Variants in HNRNPH3 observed in about 807,000 individuals in gnomAD.
HNRNPH3 encodes heterogeneous nuclear ribonucleoprotein 2H9.
Under a neutral mutation model 47.0 loss-of-function variants are expected in HNRNPH3, and 7 were observed. The observed-to-expected ratio is 0.15, with a 90% CI of 0.08 to 0.28. The LOEUF (loss-of-function observed/expected upper bound fraction) is 0.28. Ranked by LOEUF, HNRNPH3 falls within the 10% of genes least tolerant of loss-of-function variation. The probability of loss-of-function intolerance (pLI) is 1.00; values close to 1 mark genes in which losing one functional copy is unlikely to be tolerated. For synonymous variants in HNRNPH3, 120 were observed against 143.2 expected (o/e 0.84, Z 1.16); for missense variants, 279 against 449.6 (o/e 0.62, Z 3.43).
rs1312366142 is a variant in HNRNPH3, at chr10:68,337,551, T to C, written c.112+218T>C. On this transcript the variant is annotated intron_variant, in intron 2 of 9. Coordinates refer to ENST00000265866, the MANE Select transcript of HNRNPH3 (RefSeq NM_012207.3). The surrounding 1 kb of genome is among the most constrained non-coding windows in gnomAD (Gnocchi z 4.5). Reference sequence around the variant, plus strand: ...TAATGTGCAGTAACATATTTGAGAATTGTGATGAAATGAACCGTGAATTAG... The same window carrying C: ...TAATGTGCAGTAACATATTTGAGAACTGTGATGAAATGAACCGTGAATTAG... The C allele has an allele frequency of 9.0e-6, 5 of 554,376 alleles. No individual in the cohort carries two copies. Among genetic ancestry groups the C allele is most frequent in the Admixed American group, 3.4e-5 (1 of 29,244 alleles). The allele number at this position is 554,376 out of a possible 1,614,324, so 34.3% of individuals were successfully genotyped here.
At chr10:68,336,652 C>T (rs1011422561) in intron 1 of HNRNPH3, among the ~76,000 whole-genome samples, 1 of 152,060 alleles carries the variant, frequency 6.6e-6, no homozygotes, top group Non-Finnish European at 1.5e-5. Context: ...AGTGTTGGCC[C>T]TTCAAAGACA....
At chr10:68,341,520 C>G (rs375612030) in intron 7 of HNRNPH3, 65 bp from the exon 8 acceptor site, 7 of 1,179,296 alleles carry the variant, frequency 5.9e-6, no homozygotes, top group Admixed American at 2.0e-5. Flanking sequence ...TTTTACAAAG[C>G]TTGTATTGAT....
chr10:68,333,648 T>C (rs1213590274), intron 1 of HNRNPH3, among the ~76,000 whole-genome samples: 2 of 152,072 alleles, frequency 1.3e-5, no homozygotes, highest in Non-Finnish European at 2.9e-5. Context: ...GTGGTGGTGG[T>C]GTGATTCGGA....
rs372814061 is a variant in HNRNPH3 at position 68,339,485 on chromosome 10, G to A, written c.569G>A (p.Gly190Asp). 6.2e-7 allele frequency: 1 copy of A among 1,613,882 alleles called. No individual in the cohort carries two copies. The highest frequency in any genetic ancestry group is 1.3e-5 in the African/African-American group (1 of 74,872). Residue 190 changes from glycine to aspartate, a missense_variant, in exon 6 of 10, where the codon GGT becomes GAT. Physicochemically the swap from Gly to Asp is moderately conservative, Grantham distance 94. Coordinates refer to ENST00000265866, the MANE Select transcript of HNRNPH3 (RefSeq NM_012207.3). ...GGTGGAGCTGGTGATGCAAGTTCAG[G>A]TTTTCATGGTGGTCATTTCGTACAT... ...GYGGAGDASS[G>D]FHGGHFVHMR...
In HNRNPH3 at chr10:68,337,070, G is replaced by T; in HGVS notation, c.-23-129G>T. On this transcript the variant is annotated intron_variant, in intron 1 of 9. Coordinates refer to ENST00000265866, the MANE Select transcript of HNRNPH3 (RefSeq NM_012207.3). The surrounding 1 kb of genome is among the most constrained non-coding windows in gnomAD (Gnocchi z 4.5). ...GAAAGGTGGTCTACAATTTTGTTGT[G>T]GCATTGTCACAGCAGTTGGCCCCAT... 2.0e-6 allele frequency: 1 copy of T among 511,222 alleles called. No homozygotes were observed. 31.7% of individuals were successfully genotyped at this position (511,222 alleles called of 1,614,324 possible). A position where few individuals can be genotyped will look rare whatever the true frequency, so the allele number is the denominator to read the frequency against.
chr10:68,335,196 G>T (rs1285864020), intron 1 of HNRNPH3, among the ~76,000 whole-genome samples: 1 of 149,858 alleles, frequency 6.7e-6, no homozygotes, highest in Non-Finnish European at 1.5e-5. Flanking sequence ...CCTGTGAATT[G>T]CTAAGATTTA....
At chr10:68,341,895 G>A in intron 9 of HNRNPH3, 44 bp downstream of exon 9, 2 of 1,591,932 alleles carry the variant, frequency 1.3e-6, no homozygotes, top group Non-Finnish European at 1.7e-6. Context: ...CATATGTAGT[G>A]CAAACTTTAA....
intron 3 of HNRNPH3, chr10:68,338,208 ATGT>A (rs1174374232): frequency 6.4e-6 from 3 of 466,606 alleles, no homozygotes; most frequent in Non-Finnish European, 7.6e-6. Flanking sequence ...TCTCTGTAGG[ATGT>A]TGTTGATAAA....
At chr10:68,332,711 C>A (rs918312149) in intron 1 of HNRNPH3, 3 of 152,402 alleles carry the variant, frequency 2.0e-5, no homozygotes, top group Admixed American at 6.5e-5. Context: ...GGCGCGCTCC[C>A]GATGGAAATG....
chr10:68,337,181 CTTGT>C lies in HNRNPH3; in HGVS notation c.-23-15_-23-12del, dbSNP rs752859987. On this transcript the variant is annotated splice_polypyrimidine_tract_variant and intron_variant, in intron 1 of 9. Coordinates refer to ENST00000265866, the MANE Select transcript of HNRNPH3 (RefSeq NM_012207.3). This position sits in a 1 kb window ranked among gnomAD's most constrained non-coding sequence, Gnocchi z 4.5. ...ATATTTTGATTGACTGCTCTATGTG[CTTGT>C]TTATTTTTTATAGCATTTAAATCAA... The C allele has an allele frequency of 2.3e-5, 28 of 1,215,022 alleles. No homozygotes were observed. The highest frequency in any genetic ancestry group is 5.3e-5 in the Admixed American group (3 of 57,034). The allele number at this position is 1,215,022 out of a possible 1,614,324, so 75.3% of individuals were successfully genotyped here. A position where few individuals can be genotyped will look rare whatever the true frequency, so the allele number is the denominator to read the frequency against.
Position 68,337,605 on chromosome 10 carries a change from C to T in HNRNPH3, c.113-253C>T, listed in dbSNP as rs1030019565. ...ATGGAGCATATATTTGATTTTGTAGCCTTTTTTCATGTAATATAGGTGGGC... is the reference window on the plus strand; with the variant it reads ...ATGGAGCATATATTTGATTTTGTAGTCTTTTTTCATGTAATATAGGTGGGC... On this transcript the variant is annotated intron_variant, in intron 2 of 9. Transcript: ENST00000265866. The surrounding 1 kb of genome is among the most constrained non-coding windows in gnomAD (Gnocchi z 4.5). The T allele has an allele frequency of 1.9e-6, 1 of 523,344 alleles. No homozygotes were observed. The highest frequency in any genetic ancestry group is 1.9e-5 in the African/African-American group (1 of 52,278). 32.4% of individuals were successfully genotyped at this position (523,344 alleles called of 1,614,324 possible).
At position 68,337,281 on chromosome 10, in the gene HNRNPH3, T is replaced by TC; in HGVS notation, c.61dup (p.Arg21ProfsTer67). On this transcript the variant is annotated frameshift_variant, in exon 2 of 10. Transcript: ENST00000265866. This position sits in a 1 kb window ranked among gnomAD's most constrained non-coding sequence, Gnocchi z 4.5. Reference sequence around the variant, plus strand: ...ACGCTAGTGATGGGACAGTACGACTTCGTGGACTACCATTTGGTTGCAGCA... The same window carrying TC: ...ACGCTAGTGATGGGACAGTACGACTTCCGTGGACTACCATTTGGTTGCAGCA... The TC allele has an allele frequency of 6.2e-7, 1 of 1,613,768 alleles. No homozygotes were observed. The highest frequency in any genetic ancestry group is 8.5e-7 in the Non-Finnish European group (1 of 1,179,626).
rs2045597337 is a variant in HNRNPH3 at position 68,337,400 on chromosome 10, T to G, written c.112+67T>G. ...TATATTTGTATTGTTTTACTGTTTT[T>G]AATTTGTAAAACCCATTTGATTTTG... On this transcript the variant is annotated intron_variant, in intron 2 of 9. Transcript: ENST00000265866. This position sits in a 1 kb window ranked among gnomAD's most constrained non-coding sequence, Gnocchi z 4.5. 2 of 1,041,958 alleles carry G rather than the reference T, an allele frequency of 1.9e-6. No individual in the cohort carries two copies. The highest frequency in any genetic ancestry group is 2.9e-6 in the Non-Finnish European group (2 of 681,496). The allele number at this position is 1,041,958 out of a possible 1,614,324, so 64.5% of individuals were successfully genotyped here.
chr10:68,341,586 A>G lies in HNRNPH3; in HGVS notation c.777A>G (p.Gln259=). ...TTACTCTTTCTTTTTTTCTTAAAGA[A>G]CATCGATATATTGAACTCTTCTTGA... ...AAMSKDKNNM[Q]HRYIELFLNS... is the part of the protein sequence containing the mutation. The change falls in exon 8 of 10, where the codon CAA becomes CAG. Residue 259 remains glutamine, a splice_region_variant and synonymous_variant. Coordinates refer to ENST00000265866, the MANE Select transcript of HNRNPH3 (RefSeq NM_012207.3). The G allele has an allele frequency of 6.3e-7, 1 of 1,598,274 alleles. No individual in the cohort carries two copies. Among genetic ancestry groups the G allele is most frequent in the Non-Finnish European group, 8.6e-7 (1 of 1,169,316 alleles).
chr10:68,341,647 T>A lies in HNRNPH3; in HGVS notation c.838T>A (p.Ser280Thr), dbSNP rs976888570. The A allele has an allele frequency of 6.2e-6, 10 of 1,613,644 alleles. No individual in the cohort carries two copies. The highest frequency in any genetic ancestry group is 8.5e-6 in the Non-Finnish European group (10 of 1,179,700). ...TPGGGSGMGG[S>T]GMGGYGRDGM... ...TGGAGGCGGCTCTGGCATGGGAGGT[T>A]CTGGAATGGGAGGCTACGGAAGAGA... Residue 280 changes from serine to threonine, a missense_variant, in exon 8 of 10, where the codon TCT becomes ACT. Physicochemically the swap from Ser to Thr is moderately conservative, Grantham distance 58 (BLOSUM62 1). Coordinates refer to ENST00000265866, the MANE Select transcript of HNRNPH3 (RefSeq NM_012207.3).
chr10:68,342,832 T>C lies in HNRNPH3; in HGVS notation c.*778T>C, dbSNP rs531987931. ...ACACAAGAATTCAGTATTAAGTACATAGGTATTTACTATGGAGTATAATTC... is the reference window on the plus strand; with the variant it reads ...ACACAAGAATTCAGTATTAAGTACACAGGTATTTACTATGGAGTATAATTC... On this transcript the variant is annotated 3_prime_UTR_variant, in exon 10 of 10. Coordinates refer to ENST00000265866, the MANE Select transcript of HNRNPH3 (RefSeq NM_012207.3). 6.6e-6 allele frequency: 1 copy of C among 152,668 alleles called. No individual in the cohort carries two copies. Among genetic ancestry groups the C allele is most frequent in the Non-Finnish European group, 1.5e-5 (1 of 68,018 alleles). 9.5% of individuals were successfully genotyped at this position (152,668 alleles called of 1,614,324 possible).
chr10:68,343,092 T>G lies in HNRNPH3; in HGVS notation c.*1038T>G, dbSNP rs1448399314. On this transcript the variant is annotated 3_prime_UTR_variant, in exon 10 of 10. Coordinates refer to ENST00000265866, the MANE Select transcript of HNRNPH3 (RefSeq NM_012207.3). Reference sequence around the variant, plus strand: ...CAATATGGCTTTTTTCCAAATTGGCTAATGGATCAAAATGAAACCTGTTGA... The same window carrying G: ...CAATATGGCTTTTTTCCAAATTGGCGAATGGATCAAAATGAAACCTGTTGA... 6.6e-6 allele frequency: 1 copy of G among 152,198 alleles called. No homozygotes were observed. Among genetic ancestry groups the G allele is most frequent in the Non-Finnish European group, 1.5e-5 (1 of 68,028 alleles). 9.4% of individuals were successfully genotyped at this position (152,198 alleles called of 1,614,324 possible).
chr10:68,341,070 G>A, intron 6 of HNRNPH3, 104 bp from the exon 7 acceptor site: 1 of 714,118 alleles, frequency 1.4e-6, no homozygotes, highest in Non-Finnish European at 2.3e-6. Context: ...GTCTGACAGG[G>A]CAGTGGAAGG....
intron 5 of HNRNPH3, 77 bp downstream of exon 5, chr10:68,339,303 A>G: frequency 6.4e-7 from 1 of 1,573,604 alleles, no homozygotes. Flanking sequence ...GTGGTAATAT[A>G]GGAAACTTGT....
Sources: gnomAD v4.1 joint callset for allele counts (sites outside exome capture counted in the v4.1 genomes callset) on GRCh38, gnomAD v4.1.1 for gene constraint, Gnocchi (gnomAD v3.1) non-coding constraint, MANE v1.5 for transcripts, NCBI Gene and HGNC (gene_info 2026-07-23, HGNC 2026-07-21) for gene names.